The following PHLDB2 variants were observed in gnomAD, a reference collection of about 807,000 sequenced individuals.
The protein encoded by PHLDB2 is pleckstrin homology-like domain family B member 2.
In PHLDB2, 71 loss-of-function variants were observed where a neutral mutation model predicts 123.6. That is an observed-to-expected ratio of 0.57 (90% CI 0.47 to 0.70). The LOEUF (loss-of-function observed/expected upper bound fraction) is 0.70. Ranked by LOEUF, PHLDB2 falls within the 30% of genes least tolerant of loss-of-function variation. PHLDB2 has a pLI of 0.00. For synonymous variants in PHLDB2, 547 were observed against 541.6 expected, an observed-to-expected ratio of 1.01 and a Z score of -0.14; for missense variants, 1,446 against 1,519.5, an observed-to-expected ratio of 0.95 and a Z score of 0.80.
At chr3:111,818,530 C>T (rs565779588) in intron 1 of PHLDB2, among the ~76,000 whole-genome samples, 1 of 152,242 alleles carries the variant, frequency 6.6e-6, no homozygotes. Flanking sequence ...TGCTTCCACT[C>T]TCTAAGTTAA....
intron 1 of PHLDB2, among the ~76,000 whole-genome samples, chr3:111,768,864 T>C (rs556698050): frequency 6.6e-6 from 1 of 152,340 alleles, no homozygotes; most frequent in East Asian, 1.9e-4. Flanking sequence ...ATGTCTGGAA[T>C]GCTTCAGCAT....
chr3:111,772,796 G>T (rs1217096642), intron 1 of PHLDB2, among the ~76,000 whole-genome samples: 2 of 152,152 alleles, frequency 1.3e-5, no homozygotes, highest in Admixed American at 6.5e-5. Flanking sequence ...CTCAGGGAAA[G>T]ACATGATTTC....
intron 1 of PHLDB2, among the ~76,000 whole-genome samples, chr3:111,783,430 GA>G (rs1559829237): frequency 5.3e-5 from 8 of 151,508 alleles, no homozygotes; most frequent in Admixed American, 4.6e-4. Flanking sequence ...GAGGCTTGGA[GA>G]AAAAAATAAA....
chr3:111,871,756 T>A lies in PHLDB2; in HGVS notation c.-15+12180T>A, dbSNP rs183943711. On this transcript the variant is annotated intron_variant, in intron 1 of 17. Transcript: ENST00000431670. ...GTTCACAGTATCATAAATTCACTGT[T>A]GTCGATTTATAGTTTGAAGGGGATT... Among the ~76,000 whole-genome samples the A allele has an allele frequency of 2.0e-5, 3 of 152,366 alleles. No individual in the cohort carries two copies. In the East Asian group the frequency reaches 5.8e-4, roughly 29 times the overall value.
intron 13 of PHLDB2, 63 bp from the exon 14 acceptor site, chr3:111,966,536 GTGTGTGTGTGTGTA>G: frequency 1.2e-6 from 1 of 847,678 alleles, no homozygotes. Flanking sequence ...GGGTGTGTGT[GTGTGTGTGTGTGTA>G]TGTATTAGAG....
At chr3:111,746,288 G>C (rs4464420) in intron 1 of PHLDB2, among the ~76,000 whole-genome samples, 150,270 of 152,302 alleles carry the variant, frequency 0.99, 74,168 homozygotes, top group Middle Eastern at 1. Flanking sequence ...TTTCCCTGAC[G>C]AACTCATATA....
intron 1 of PHLDB2, among the ~76,000 whole-genome samples, chr3:111,775,414 AG>A (rs2060251627): frequency 6.6e-6 from 1 of 152,208 alleles, no homozygotes; most frequent in South Asian, 2.1e-4. Flanking sequence ...AAAACTGGTT[AG>A]TCAAGAAGTA....
intron 1 of PHLDB2, among the ~76,000 whole-genome samples, chr3:111,842,617 C>T (rs533033222): frequency 6.6e-6 from 1 of 152,266 alleles, no homozygotes; most frequent in East Asian, 1.9e-4. Context: ...AGATATAACT[C>T]ACAGACCATA....
At chr3:111,796,266 A>C (rs1178190080) in intron 1 of PHLDB2, among the ~76,000 whole-genome samples, 1 of 152,210 alleles carries the variant, frequency 6.6e-6, no homozygotes, top group Non-Finnish European at 1.5e-5. Context: ...GATGTAGTGA[A>C]GACAAAGTAA....
At chr3:111,930,145 C>G (rs2069053161) in intron 5 of PHLDB2, among the ~76,000 whole-genome samples, 1 of 151,586 alleles carries the variant, frequency 6.6e-6, no homozygotes, top group South Asian at 2.1e-4. Flanking sequence ...ATCTTCTGAC[C>G]CGTGATCCGC....
intron 1 of PHLDB2, among the ~76,000 whole-genome samples, chr3:111,746,275 T>C (rs2059681222): frequency 6.6e-6 from 1 of 152,172 alleles, no homozygotes; most frequent in Admixed American, 6.5e-5. Flanking sequence ...AGAAAGTCTT[T>C]TATTTCCCTG....
At chr3:111,922,621 T>G (rs2068586438) in intron 5 of PHLDB2, among the ~76,000 whole-genome samples, 1 of 152,144 alleles carries the variant, frequency 6.6e-6, no homozygotes, top group Non-Finnish European at 1.5e-5. Flanking sequence ...GAAGAGGATG[T>G]GGGAAGTGGA....
intron 2 of PHLDB2, among the ~76,000 whole-genome samples, chr3:111,890,167 A>G (rs976148362): frequency 6.6e-6 from 1 of 152,210 alleles, no homozygotes; most frequent in Non-Finnish European, 1.5e-5. Context: ...TCAACTCACC[A>G]CGTGGTCAGA....
chr3:111,888,534 C>G (rs2066304120), intron 2 of PHLDB2, among the ~76,000 whole-genome samples: 1 of 152,024 alleles, frequency 6.6e-6, no homozygotes, highest in African/African-American at 2.4e-5. Flanking sequence ...TCAAATCATT[C>G]AAAAATGAAG....
rs796927766 is a variant in PHLDB2, at chr3:111,834,231, ATG to A, written c.-48-11588_-48-11587del. On this transcript the variant is annotated intron_variant, in intron 1 of 17. Transcript: ENST00000393923. ...TATGTAATAGAATTATATATATATTATGTATATAATAGAATTATATATATAAT... is the reference window on the plus strand; with the variant it reads ...TATGTAATAGAATTATATATATATTATATATAATAGAATTATATATATAAT... Among the ~76,000 whole-genome samples, 335 of 88,432 alleles carry A rather than the reference ATG, an allele frequency of 3.8e-3. 8 individuals are homozygous for A. Among genetic ancestry groups the A allele is most frequent in the African/African-American group, 0.02 (231 of 11,474 alleles). 58.0% of individuals were successfully genotyped at this position (88,432 alleles called of 152,430 possible). A position where few individuals can be genotyped will look rare whatever the true frequency, so the allele number is the denominator to read the frequency against.
chr3:111,780,288 A>AGAGGAG (rs1559827009), intron 1 of PHLDB2, among the ~76,000 whole-genome samples: 55 of 4,218 alleles, frequency 0.013, 13 homozygotes, highest in African/African-American at 0.021. Context: ...AAGAAGAAGA[A>AGAGGAG]GAAGAAGAGG....
chr3:111,829,927 AACACACACACACACACACAC>A (rs72357648), intron 1 of PHLDB2, among the ~76,000 whole-genome samples: 3 of 135,942 alleles, frequency 2.2e-5, no homozygotes, highest in Admixed American at 7.5e-5. Flanking sequence ...AACTATTCAA[AACACACACACACACACACAC>A]ACACACACAC....
intron 1 of PHLDB2, among the ~76,000 whole-genome samples, chr3:111,742,006 AC>A (rs1451663933): frequency 3.3e-5 from 5 of 152,222 alleles, no homozygotes; most frequent in Non-Finnish European, 7.3e-5. Context: ...ATCACTGGAT[AC>A]AGCAGACTGC....
chr3:111,927,601 C>T (rs2068885159), intron 5 of PHLDB2, among the ~76,000 whole-genome samples: 2 of 152,148 alleles, frequency 1.3e-5, no homozygotes, highest in African/African-American at 4.8e-5. Flanking sequence ...ATACAAGAAC[C>T]TCAGGTACAT....
Sources: gnomAD v4.1 joint callset for allele counts (sites outside exome capture counted in the v4.1 genomes callset) on GRCh38, gnomAD v4.1.1 for gene constraint, MANE v1.5 for transcripts, NCBI Gene and HGNC (gene_info 2026-07-23, HGNC 2026-07-21) for gene names.